Variants in ZNF613 observed in about 807,000 individuals in gnomAD.
ZNF613 encodes the protein zinc finger protein 613.
ZNF613 carries 8 observed loss-of-function variants against 14.3 expected under a neutral mutation model. The observed-to-expected ratio is 0.56, with a 90% CI of 0.33 to 1.01. ZNF613 has a LOEUF of 1.01. Ranked by LOEUF, ZNF613 falls within the 50% of genes least tolerant of loss-of-function variation. ZNF613 has a pLI of 0.03. For missense variants in ZNF613, 656 were observed against 741.9 expected (o/e 0.88, Z 1.35); for synonymous variants, 228 against 254.5 (o/e 0.90, Z 0.99).
intron 3 of ZNF613, among the ~76,000 whole-genome samples, chr19:51,939,889 A>G (rs913401467): frequency 6.6e-6 from 1 of 151,632 alleles, no homozygotes; most frequent in Non-Finnish European, 1.5e-5. Context: ...AAATATATTT[A>G]GTGCCTGGCA....
intron 5 of ZNF613, 151 bp downstream of exon 5, chr19:51,940,860 G>T: frequency 2.3e-6 from 1 of 426,992 alleles, no homozygotes. Context: ...TCTCCTTCGG[G>T]TATTTAGAGG....
Position 51,946,054 on chromosome 19 carries a change from G to T in ZNF613, c.*317G>T. The T allele has an allele frequency of 3.4e-6, 1 of 292,010 alleles. No homozygotes were observed. Among genetic ancestry groups the T allele is most frequent in the South Asian group, 4.2e-5 (1 of 23,600 alleles). The allele number at this position is 292,010 out of a possible 1,614,324, so 18.1% of individuals were successfully genotyped here. On this transcript the variant is annotated 3_prime_UTR_variant, in exon 6 of 6. Transcript: ENST00000293471. ...AGTAGGTATCAGGGGGTTTACACAG[G>T]AGAGAAACTTTTGGAAGACCTTTGA...
intron 2 of ZNF613, among the ~76,000 whole-genome samples, chr19:51,934,064 G>T (rs1178953147): frequency 1.3e-5 from 2 of 152,178 alleles, no homozygotes; most frequent in Non-Finnish European, 2.9e-5. Context: ...CTCCCAAAGT[G>T]CTGGGATTAT....
intron 3 of ZNF613, 127 bp from the exon 4 acceptor site, chr19:51,940,082 A>T (rs903457652): frequency 8.1e-6 from 10 of 1,241,554 alleles, no homozygotes; most frequent in South Asian, 8.0e-5. Flanking sequence ...GTATTTTTTT[A>T]AAAATCACAG....
intron 2 of ZNF613, among the ~76,000 whole-genome samples, chr19:51,931,476 C>A (rs2085263818): frequency 6.6e-6 from 1 of 152,088 alleles, no homozygotes; most frequent in African/African-American, 2.4e-5. Flanking sequence ...ATTATTTATA[C>A]TTGATTCTTT....
At position 51,943,048 on chromosome 19, in the gene ZNF613, GAGT is replaced by G. The variant is rs556303397; in HGVS notation, c.236-1068_236-1066del. 6.6e-5 allele frequency among the ~76,000 whole-genome samples: 10 copies of G among 152,296 alleles called. No individual in the cohort carries two copies. The South Asian group carries it at 2.1e-3, about 32-fold the overall frequency. On this transcript the variant is annotated intron_variant, in intron 5 of 5. Coordinates refer to ENST00000293471, the MANE Select transcript of ZNF613 (RefSeq NM_001031721.4). ...AGATGAGGAAACATGAGGGAGTTTT[GAGT>G]AGAAGAGTGACATGATGTCATTTAT...
chr19:51,931,647 A>G (rs1041839797), intron 2 of ZNF613, among the ~76,000 whole-genome samples: 1 of 152,152 alleles, frequency 6.6e-6, no homozygotes, highest in Admixed American at 6.5e-5. Context: ...TTAATTTTTT[A>G]AAATGAGGTA....
intron 4 of ZNF613, 102 bp downstream of exon 4, chr19:51,940,437 T>C (rs1599908286): frequency 6.3e-7 from 1 of 1,589,278 alleles, no homozygotes; most frequent in Non-Finnish European, 8.6e-7. Context: ...TCTGAAGTGG[T>C]AGATTCTGTA....
chr19:51,941,515 TA>T (rs2085350436), intron 5 of ZNF613, among the ~76,000 whole-genome samples: 1 of 152,188 alleles, frequency 6.6e-6, no homozygotes, highest in Admixed American at 6.5e-5. Flanking sequence ...GCCCCCTTAG[TA>T]ACCTGGTCTG....
In ZNF613 at chr19:51,945,027, A is replaced by C; in HGVS notation, c.1144A>C (p.Ile382Leu). Residue 382 changes from isoleucine (I) to leucine (L), a missense_variant, in exon 6 of 6, where the codon ATT (isoleucine) becomes CTT (leucine). Ile to Leu is a conservative substitution (Grantham distance 5). Transcript: ENST00000293471. ...ATGCCGTGATTGTGGAAAAGGCTTC[A>C]TTCAGAAGGGAAATCTCATTGTACA... ...YICRDCGKGF[I>L]QKGNLIVHQR... 6.2e-7 allele frequency: 1 copy of C among 1,614,228 alleles called. No individual in the cohort carries two copies. Among genetic ancestry groups the C allele is most frequent in the East Asian group, 2.2e-5 (1 of 44,886 alleles).
chr19:51,945,295 T>C lies in ZNF613; in HGVS notation c.1412T>C (p.Leu471Pro). The C allele has an allele frequency of 1.2e-6, 2 of 1,614,098 alleles. No homozygotes were observed. The highest frequency in any genetic ancestry group is 1.7e-6 in the Non-Finnish European group (2 of 1,180,016). The change falls in exon 6 of 6, where the codon CTC (leucine) becomes CCC (proline). Residue 471 changes from leucine to proline, a missense_variant. Transcript: ENST00000293471. ...AAATCCTGCTCACACAAGTCAGGTCTCATTAACCACCAGAGAATTCACACA... is the reference window on the plus strand; with the variant it reads ...AAATCCTGCTCACACAAGTCAGGTCCCATTAACCACCAGAGAATTCACACA... ...CGKSCSHKSGLINHQRIHTGE... is the reference protein window; with the variant it reads ...CGKSCSHKSGPINHQRIHTGE...
rs12461478 is a variant in ZNF613 at position 51,927,486 on chromosome 19, T to G, written c.-413T>G. ...GCTGGGGGAGGGCCCAGAAGTGGAA[T>G]AATTCAGGAAAGTGCAGGTTCTGGG... On this transcript the variant is annotated 5_prime_UTR_variant, in exon 1 of 6. Coordinates refer to ENST00000293471, the MANE Select transcript of ZNF613 (RefSeq NM_001031721.4). 0.6 allele frequency: 90,227 copies of G among 151,584 alleles called. 29,567 individuals carry two copies. Among genetic ancestry groups the G allele is most frequent in the African/African-American group, 0.88 (36,405 of 41,324 alleles). The allele number at this position is 151,584 out of a possible 1,614,324, so 9.4% of individuals were successfully genotyped here.
chr19:51,943,698 A>G (rs1170833664), intron 5 of ZNF613, among the ~76,000 whole-genome samples: 1 of 152,240 alleles, frequency 6.6e-6, no homozygotes, highest in Non-Finnish European at 1.5e-5. Flanking sequence ...AGGGTTAAGT[A>G]TGATTCAGAG....
At chr19:51,937,481 A>C (rs1036331670) in intron 3 of ZNF613, among the ~76,000 whole-genome samples, 9 of 152,198 alleles carry the variant, frequency 5.9e-5, no homozygotes, top group Admixed American at 5.9e-4. Flanking sequence ...AATTCACACA[A>C]AATGACTAAT....
intron 2 of ZNF613, among the ~76,000 whole-genome samples, chr19:51,931,273 CAA>C (rs765875665): frequency 2.6e-5 from 4 of 152,120 alleles, no homozygotes; most frequent in Non-Finnish European, 5.9e-5. Context: ...GTATTCAATG[CAA>C]AGTGTTATTT....
Position 51,944,570 on chromosome 19 carries a change from G to A in ZNF613, c.687G>A (p.Glu229=). The change falls in exon 6 of 6, where the codon GAG becomes GAA. Residue 229 remains glutamate, a synonymous_variant. Transcript: ENST00000293471. ...ATCATCAGAGAGTTCACACTGGGGA[G>A]AAACCTCATGGATGCAGTATATGTG... is the stretch of plus-strand genomic sequence containing the variant. ...LIYHQRVHTG[E]KPHGCSICGK... is the part of the protein sequence containing the mutation. The A allele has an allele frequency of 6.2e-7, 1 of 1,614,202 alleles. No homozygotes were observed.
rs538354711 is a variant in ZNF613 at position 51,932,028 on chromosome 19, G to C, written c.-194+2132G>C. Among the ~76,000 whole-genome samples, 11 of 152,272 alleles carry C rather than the reference G, an allele frequency of 7.2e-5. No individual in the cohort carries two copies. The South Asian group carries it at 1.2e-3, about 17-fold the overall frequency. On this transcript the variant is annotated intron_variant, in intron 2 of 5. Transcript: ENST00000293471. ...TTAGGCAAAAGAGATAGAGAGAAGG[G>C]GGGGTGATTGTCGAGTAATTGTCAG... is the stretch of plus-strand genomic sequence containing the variant.
In ZNF613 at chr19:51,940,380, G is replaced by A. The variant is rs778060431; in HGVS notation, c.142+45G>A. On this transcript the variant is annotated intron_variant, in intron 4 of 5. Transcript: ENST00000293471. Reference sequence around the variant, plus strand: ...GTCACTCAGAGAGTACCCAGTCAAAGGCCTTTGCTTTCTCAGCTTTCAAAA... The same window carrying A: ...GTCACTCAGAGAGTACCCAGTCAAAAGCCTTTGCTTTCTCAGCTTTCAAAA... The A allele has an allele frequency of 5.6e-6, 9 of 1,612,638 alleles. No homozygotes were observed. In the East Asian group the frequency reaches 1.6e-4, roughly 28 times the overall value.
chr19:51,945,106 G>T lies in ZNF613; in HGVS notation c.1223G>T (p.Gly408Val). 1 of 1,614,110 alleles carries T rather than the reference G, an allele frequency of 6.2e-7. No homozygotes were observed. The highest frequency in any genetic ancestry group is 8.5e-7 in the Non-Finnish European group (1 of 1,180,004). Residue 408 changes from glycine (G) to valine (V), a missense_variant, in exon 6 of 6, where the codon GGC becomes GTC. Coordinates refer to ENST00000293471, the MANE Select transcript of ZNF613 (RefSeq NM_001031721.4). The part of the protein sequence containing the change: ...KPYICNECGK[G>V]FIQKGNLLIH... Reference sequence around the variant, plus strand: ...TATATATGCAATGAATGTGGAAAAGGCTTCATCCAAAAGGGCAACCTCCTT... The same window carrying T: ...TATATATGCAATGAATGTGGAAAAGTCTTCATCCAAAAGGGCAACCTCCTT...
Sources: allele counts gnomAD v4.1 joint callset (sites outside exome capture counted in the v4.1 genomes callset), GRCh38; gene constraint gnomAD v4.1.1; transcripts MANE v1.5; gene names NCBI Gene and HGNC (gene_info 2026-07-23, HGNC 2026-07-21).